The following DRICH1 variants were observed in gnomAD, a reference collection of about 807,000 sequenced individuals.
The protein encoded by DRICH1 is aspartate-rich protein 1.
DRICH1 carries 38 observed loss-of-function variants against 39.5 expected under a neutral mutation model. That is an observed-to-expected ratio of 0.96 (90% confidence interval 0.74 to 1.26). The LOEUF (loss-of-function observed/expected upper bound fraction) is 1.26, where lower values mean the gene tolerates loss of function less well. DRICH1 is among the 50% of genes most tolerant of loss of function. DRICH1 has a pLI of 0.00. For synonymous variants in DRICH1, 84 were observed against 99.5 expected, an observed-to-expected ratio of 0.84 and a Z score of 0.93; for missense variants, 279 against 270.4, an observed-to-expected ratio of 1.03 and a Z score of -0.22.
At chr22:23,583,455 T>C in the DRICH1 span, 1 of 152,200 alleles carries the variant, frequency 6.6e-6, no homozygotes, top group East Asian at 1.9e-4. Context: ...CCCCTTGGCA[T>C]CTGCCAGCCA....
intron 5 of DRICH1, among the ~76,000 whole-genome samples, chr22:23,620,291 C>G (rs533861199): frequency 6.6e-6 from 1 of 152,064 alleles, no homozygotes; most frequent in Non-Finnish European, 1.5e-5. Flanking sequence ...GAAAGGTAAC[C>G]TCTTCCCTGC....
chr22:23,613,085 G>A (rs1031691558), intron 11 of DRICH1, among the ~76,000 whole-genome samples: 6 of 152,138 alleles, frequency 3.9e-5, no homozygotes, highest in African/African-American at 9.7e-5. Context: ...TCTCATGAAC[G>A]CAGCACCCTC....
chr22:23,622,432 A>G (rs1927804075), intron 3 of DRICH1, among the ~76,000 whole-genome samples: 2 of 152,164 alleles, frequency 1.3e-5, no homozygotes, highest in Non-Finnish European at 2.9e-5. Context: ...GAACTAAAGC[A>G]TACACTAAGG....
At chr22:23,630,412 A>G (rs1364551259) in intron 1 of DRICH1, among the ~76,000 whole-genome samples, 1 of 151,024 alleles carries the variant, frequency 6.6e-6, no homozygotes, top group Non-Finnish European at 1.5e-5. Flanking sequence ...TCCTTTCCAC[A>G]CTCTCTCTCT....
rs1926854615 is a variant in DRICH1, at chr22:23,608,481, G to A, written c.*283C>T. The A allele has an allele frequency of 1.0e-5, 5 of 498,652 alleles. No individual in the cohort carries two copies. Among genetic ancestry groups the A allele is most frequent in the Non-Finnish European group, 1.8e-5 (5 of 277,176 alleles). The allele number at this position is 498,652 out of a possible 1,614,324, so 30.9% of individuals were successfully genotyped here. ...TGCACTCAGTCTCTTTATTTCAAGT[G>A]GGAATGGCACTTTCTGCTCGTGGAG... is the stretch of plus-strand genomic sequence containing the variant. On this transcript the variant is annotated 3_prime_UTR_variant, in exon 12 of 12. Transcript: ENST00000317749.
the DRICH1 span, among the ~76,000 whole-genome samples, chr22:23,589,426 G>A: frequency 6.6e-6 from 1 of 151,748 alleles, no homozygotes; most frequent in Non-Finnish European, 1.5e-5. Context: ...ACTCCAGCCT[G>A]GGCGACAGAG....
At chr22:23,589,046 T>A in the DRICH1 span, among the ~76,000 whole-genome samples, 1 of 151,582 alleles carries the variant, frequency 6.6e-6, no homozygotes, top group East Asian at 1.9e-4. Context: ...GGTCTATAGA[T>A]CACTTCATCC....
intron 1 of DRICH1, among the ~76,000 whole-genome samples, chr22:23,626,555 A>G (rs1270884003): frequency 1.3e-5 from 2 of 152,196 alleles, no homozygotes; most frequent in African/African-American, 4.8e-5. Flanking sequence ...AGATCCTCCT[A>G]GAGTATCATT....
At chr22:23,607,627 C>T (rs1222780222), downstream of DRICH1, among the ~76,000 whole-genome samples, 1 of 152,140 alleles carries the variant, frequency 6.6e-6, no homozygotes, top group Non-Finnish European at 1.5e-5. Flanking sequence ...CAAGTGTGGC[C>T]CCTGAACCAG....
chr22:23,617,437 T>G, intron 7 of DRICH1, 138 bp downstream of exon 7: 2 of 986,008 alleles, frequency 2.0e-6, no homozygotes, highest in Non-Finnish European at 3.1e-6. Context: ...GCCTGCTTGT[T>G]GGGCCCCCTC....
the DRICH1 span, among the ~76,000 whole-genome samples, chr22:23,602,755 G>C: frequency 6.6e-6 from 1 of 152,088 alleles, no homozygotes; most frequent in East Asian, 1.9e-4. Context: ...ATAGTTACAT[G>C]AGTCAATGAT....
chr22:23,588,229 C>T, the DRICH1 span, among the ~76,000 whole-genome samples: 3 of 152,214 alleles, frequency 2.0e-5, no homozygotes, highest in Non-Finnish European at 2.9e-5. Flanking sequence ...CAGGTTCAAG[C>T]AATTCTCCTG....
At chr22:23,614,473 C>T (rs1376450605) in intron 8 of DRICH1, among the ~76,000 whole-genome samples, 1 of 152,210 alleles carries the variant, frequency 6.6e-6, no homozygotes, top group East Asian at 1.9e-4. Flanking sequence ...GTAAAATGCA[C>T]ACTAAGGGTC....
chr22:23,625,295 C>CT (rs1927994368), intron 2 of DRICH1, among the ~76,000 whole-genome samples: 1 of 152,018 alleles, frequency 6.6e-6, no homozygotes, highest in Non-Finnish European at 1.5e-5. Context: ...CATAATGTGT[C>CT]TTGTTATATT....
At chr22:23,623,746 C>A (rs1333445465) in intron 3 of DRICH1, 1 of 164,698 alleles carries the variant, frequency 6.1e-6, no homozygotes, top group Non-Finnish European at 1.3e-5. Context: ...AGATTGAAAT[C>A]TACAAAAAAC....
the DRICH1 span, among the ~76,000 whole-genome samples, chr22:23,599,493 C>T: frequency 2.6e-5 from 4 of 152,166 alleles, no homozygotes; most frequent in African/African-American, 4.8e-5. Context: ...CCCAGCCATG[C>T]GGCAGAATGG....
At chr22:23,599,132 A>G in the DRICH1 span, among the ~76,000 whole-genome samples, 1 of 152,304 alleles carries the variant, frequency 6.6e-6, no homozygotes, top group South Asian at 2.1e-4. Context: ...GTCTCAACAC[A>G]GGCACAGCTG....
At chr22:23,601,460 A>G in the DRICH1 span, among the ~76,000 whole-genome samples, 801 of 152,358 alleles carry the variant, frequency 5.3e-3, 1 homozygote, top group Non-Finnish European at 9.2e-3. Context: ...AGTCCCCAGA[A>G]ATCACATACT....
At chr22:23,585,920 T>C in the DRICH1 span, among the ~76,000 whole-genome samples, 1 of 152,262 alleles carries the variant, frequency 6.6e-6, no homozygotes, top group Non-Finnish European at 1.5e-5. Context: ...AGACTTGTTT[T>C]GTAACTCAAT....
Sources: gnomAD v4.1 joint callset for allele counts (sites outside exome capture counted in the v4.1 genomes callset) on GRCh38, gnomAD v4.1.1 for gene constraint, MANE v1.5 for transcripts, NCBI Gene and HGNC (gene_info 2026-07-23, HGNC 2026-07-21) for gene names.